JPT2: variants seen among roughly 807,000 people sequenced by gnomAD.
JPT2 encodes the protein CRAMP_1 like.
Under a neutral mutation model 15.9 loss-of-function variants are expected in JPT2, and 9 were observed. The observed-to-expected ratio is 0.57, with a 90% confidence interval of 0.34 to 0.99. JPT2 has a LOEUF of 0.99. Among genes scored for constraint, JPT2 ranks in the 50% least tolerant of loss-of-function variants. The pLI, the probability that JPT2 is intolerant of heterozygous loss-of-function variation, is 0.02. For synonymous variants in JPT2, 95 were observed against 91.7 expected, an observed-to-expected ratio of 1.04 and a Z score of -0.21; for missense variants, 267 against 252.1, an observed-to-expected ratio of 1.06 and a Z score of -0.40.
At chr16:1,681,128 CT>C (rs2037019427) in intron 1 of JPT2, among the ~76,000 whole-genome samples, 2 of 152,222 alleles carry the variant, frequency 1.3e-5, no homozygotes, top group Admixed American at 6.5e-5. Context: ...AGCGTTCCCC[CT>C]CCCCCTATTA....
intron 1 of JPT2, among the ~76,000 whole-genome samples, chr16:1,684,927 G>A (rs1191338720): frequency 6.1e-5 from 9 of 146,744 alleles, no homozygotes; most frequent in Admixed American, 4.7e-4. Flanking sequence ...AAAAAAAAAA[G>A]AATACTTTTA....
At chr16:1,687,563 A>G (rs942458215) in intron 2 of JPT2, among the ~76,000 whole-genome samples, 17 of 152,132 alleles carry the variant, frequency 1.1e-4, no homozygotes, top group African/African-American at 4.1e-4. Flanking sequence ...AGAGCACTCC[A>G]TGGAAGGCAG....
rs1245855070 is a variant in JPT2 at position 1,700,473 on chromosome 16, C to T, written c.*1475C>T. The T allele has an allele frequency of 1.5e-5, 3 of 205,986 alleles. No individual in the cohort carries two copies. The allele number at this position is 205,986 out of a possible 1,614,324, so 12.8% of individuals were successfully genotyped here. A position where few individuals can be genotyped will look rare whatever the true frequency, so the allele number is the denominator to read the frequency against. ...TAGAAACATCATCATTATTAAACTT[C>T]AGAAAAGCAGCAGCCATGTTCAGTC... On this transcript the variant is annotated 3_prime_UTR_variant, in exon 5 of 5. Transcript: ENST00000248098.
At chr16:1,693,616 G>C (rs2037120335) in intron 3 of JPT2, among the ~76,000 whole-genome samples, 1 of 152,082 alleles carries the variant, frequency 6.6e-6, no homozygotes, top group African/African-American at 2.4e-5. Context: ...TAGGACATCA[G>C]TACAACTGGG....
chr16:1,683,643 C>T (rs1434530459), intron 1 of JPT2: 1 of 1,357,520 alleles, frequency 7.4e-7, no homozygotes, highest in South Asian at 1.2e-5. Context: ...GCCCGTGGGT[C>T]TCTGCAGGCG....
At chr16:1,685,819 A>G (rs2037060696) in intron 2 of JPT2, 1 of 366,030 alleles carries the variant, frequency 2.7e-6, no homozygotes, top group Non-Finnish European at 4.8e-6. Flanking sequence ...ACAGGCACTG[A>G]GGACACAAAA....
rs1285100042 is a variant in JPT2, at chr16:1,685,561, A to G, written c.167A>G (p.Asn56Ser). The change falls in exon 2 of 5, where the codon AAC becomes AGC. Residue 56 changes from asparagine (N) to serine (S), a missense_variant. Physicochemically the swap from Asn to Ser is conservative, Grantham distance 46. Coordinates refer to ENST00000248098, the MANE Select transcript of JPT2 (RefSeq NM_144570.3). ...NIFGPTEEPQ[N>S]IPKRTNPPGG... ...TTTGGACCAACAGAAGAACCTCAGAACATACCCAAGAGGACAAATCCCCCA... is the reference window on the plus strand; with the variant it reads ...TTTGGACCAACAGAAGAACCTCAGAGCATACCCAAGAGGACAAATCCCCCA... 1 of 1,614,160 alleles carries G rather than the reference A, an allele frequency of 6.2e-7. No homozygotes were observed. Among genetic ancestry groups the G allele is most frequent in the Admixed American group, 1.7e-5 (1 of 60,018 alleles).
chr16:1,698,203 G>A lies in JPT2; in HGVS notation c.385+343G>A, dbSNP rs2037155976. Among the ~76,000 whole-genome samples the A allele has an allele frequency of 6.6e-6, 1 of 152,226 alleles. No homozygotes were observed. The highest frequency in any genetic ancestry group is 1.5e-5 in the Non-Finnish European group (1 of 68,034). On this transcript the variant is annotated intron_variant, in intron 4 of 4. Coordinates refer to ENST00000248098, the MANE Select transcript of JPT2 (RefSeq NM_144570.3). This position sits in a 1 kb window ranked among gnomAD's most constrained non-coding sequence, Gnocchi z 4.9. Reference sequence around the variant, plus strand: ...TAATCGAGAAGAGAGGGGCACAAGAGAGGGATGGAGGATGGGGAGGCGGGT... The same window carrying A: ...TAATCGAGAAGAGAGGGGCACAAGAAAGGGATGGAGGATGGGGAGGCGGGT...
chr16:1,678,380 G>A, intron 1 of JPT2, 24 bp downstream of exon 1: 4 of 1,229,306 alleles, frequency 3.3e-6, no homozygotes, highest in Non-Finnish European at 4.1e-6. Context: ...CACACGGGAG[G>A]CGGGCGGATA....
At chr16:1,689,580 A>G (rs752732973) in intron 2 of JPT2, 1 of 151,984 alleles carries the variant, frequency 6.6e-6, no homozygotes, top group South Asian at 2.1e-4. Flanking sequence ...TCTCACCTCA[A>G]CCTTCTGAGG....
At chr16:1,685,706 C>T (rs1233476455) in intron 2 of JPT2, 119 bp downstream of exon 2, 26 of 1,090,116 alleles carry the variant, frequency 2.4e-5, no homozygotes, top group African/African-American at 3.4e-5. Context: ...CACTTGTTAT[C>T]AGAGTTCTTC....
chr16:1,698,596 C>T lies in JPT2; in HGVS notation c.386-215C>T, dbSNP rs576447499. 6.6e-6 allele frequency among the ~76,000 whole-genome samples: 1 copy of T among 152,334 alleles called. No homozygotes were observed. The highest frequency in any genetic ancestry group is 2.1e-4 in the South Asian group (1 of 4,834). On this transcript the variant is annotated intron_variant, in intron 4 of 4. Transcript: ENST00000248098. This position sits in a 1 kb window ranked among gnomAD's most constrained non-coding sequence, Gnocchi z 4.9. ...ATCAAGGAGTATTTACAGTAGCAAG[C>T]CCCAACTTTATGCCCATTTCAAAAC... is the stretch of plus-strand genomic sequence containing the variant.
At chr16:1,689,723 T>G (rs1360279440) in intron 2 of JPT2, 1 of 152,242 alleles carries the variant, frequency 6.6e-6, no homozygotes, top group Non-Finnish European at 1.5e-5. Context: ...ATTACAGGTG[T>G]GAGCCAGTGC....
At position 1,699,389 on chromosome 16, in the gene JPT2, C is replaced by G. The variant is rs1017932933; in HGVS notation, c.*391C>G. On this transcript the variant is annotated 3_prime_UTR_variant, in exon 5 of 5. Transcript: ENST00000248098. ...CACTGCTGCTGTGGGATGGAGGAGGCGTAAGCAGAAACACTAACAGTATAT... is the reference window on the plus strand; with the variant it reads ...CACTGCTGCTGTGGGATGGAGGAGGGGTAAGCAGAAACACTAACAGTATAT... 2 of 429,824 alleles carry G rather than the reference C, an allele frequency of 4.7e-6. No individual in the cohort carries two copies. The highest frequency in any genetic ancestry group is 9.3e-6 in the Non-Finnish European group (2 of 214,234). 26.6% of individuals were successfully genotyped at this position (429,824 alleles called of 1,614,324 possible).
chr16:1,678,471 G>A, intron 1 of JPT2, 115 bp downstream of exon 1: 2 of 1,043,770 alleles, frequency 1.9e-6, no homozygotes, highest in Non-Finnish European at 2.4e-6. Flanking sequence ...GGGGCAGGGC[G>A]ACCTCACAGA....
chr16:1,696,516 G>T (rs1404585171), intron 3 of JPT2, among the ~76,000 whole-genome samples: 1 of 150,138 alleles, frequency 6.7e-6, no homozygotes, highest in Non-Finnish European at 1.5e-5. Context: ...GTGAGACTCC[G>T]TGTCAAAAAA....
rs969151418 is a variant in JPT2, at chr16:1,678,297, G to C, written c.-16G>C. ...CGGGAACGGCGCGCGGCGAGCTGAGGGTGGCGGCGGTCGACATGTTCCAGG... is the reference window on the plus strand; with the variant it reads ...CGGGAACGGCGCGCGGCGAGCTGAGCGTGGCGGCGGTCGACATGTTCCAGG... On this transcript the variant is annotated 5_prime_UTR_variant, in exon 1 of 5. Coordinates refer to ENST00000248098, the MANE Select transcript of JPT2 (RefSeq NM_144570.3). The C allele has an allele frequency of 8.9e-6, 11 of 1,236,970 alleles. No homozygotes were observed. Among genetic ancestry groups the C allele is most frequent in the Non-Finnish European group, 1.0e-5 (10 of 987,148 alleles). 76.6% of individuals were successfully genotyped at this position (1,236,970 alleles called of 1,614,324 possible).
rs569729207 is a variant in JPT2 at position 1,681,178 on chromosome 16, A to G, written c.44+2822A>G. 7.9e-5 allele frequency among the ~76,000 whole-genome samples: 12 copies of G among 152,292 alleles called. No individual in the cohort carries two copies. In the South Asian group the frequency reaches 8.3e-4, roughly 11 times the overall value. On this transcript the variant is annotated intron_variant, in intron 1 of 4. Coordinates refer to ENST00000248098, the MANE Select transcript of JPT2 (RefSeq NM_144570.3). ...AAGTGCCTGTAGCCTAGAGAAAGCC[A>G]CACTGCGCCATTGTTGTCGGGCTGT...
intron 1 of JPT2, among the ~76,000 whole-genome samples, chr16:1,679,805 C>T (rs1052650601): frequency 3.3e-5 from 5 of 151,608 alleles, no homozygotes; most frequent in African/African-American, 1.2e-4. Flanking sequence ...GGCTGTAATC[C>T]CGGCACTTGG....
Sources: gnomAD v4.1 joint callset for allele counts (sites outside exome capture counted in the v4.1 genomes callset) on GRCh38, gnomAD v4.1.1 for gene constraint, Gnocchi (gnomAD v3.1) non-coding constraint, MANE v1.5 for transcripts, NCBI Gene and HGNC (gene_info 2026-07-23, HGNC 2026-07-21) for gene names.